NDUFAF5: variants seen among roughly 807,000 people sequenced by gnomAD.
NDUFAF5 encodes the protein NADH:ubiquinone oxidoreductase complex assembly factor 5, also known as arginine-hydroxylase NDUFAF5, mitochondrial.
In NDUFAF5, 34 loss-of-function variants were observed where a neutral mutation model predicts 48.9. That is an observed-to-expected ratio of 0.70 (90% confidence interval 0.53 to 0.93). The LOEUF is 0.93. Among genes scored for constraint, NDUFAF5 ranks in the 40% least tolerant of loss-of-function variants. The probability of loss-of-function intolerance (pLI) is 0.00; values close to 1 mark genes in which losing one functional copy is unlikely to be tolerated. For synonymous variants in NDUFAF5, 153 were observed against 150.6 expected, an observed-to-expected ratio of 1.02 and a Z score of -0.12; for missense variants, 428 against 427.5, an observed-to-expected ratio of 1.00 and a Z score of -0.01.
intron 5 of NDUFAF5, among the ~76,000 whole-genome samples, chr20:13,796,387 C>G (rs1213249482): frequency 6.6e-6 from 1 of 152,184 alleles, no homozygotes; most frequent in African/African-American, 2.4e-5. Flanking sequence ...TATGTTAGCT[C>G]ATCTGCTTGC....
At chr20:13,802,035 G>A (rs1191977523) in intron 7 of NDUFAF5, among the ~76,000 whole-genome samples, 1 of 152,050 alleles carries the variant, frequency 6.6e-6, no homozygotes, top group Non-Finnish European at 1.5e-5. Flanking sequence ...GGAAGAAAAG[G>A]GGATAAGTAG....
At chr20:13,814,123 G>A (rs1180792874) in intron 8 of NDUFAF5, 1 of 249,976 alleles carries the variant, frequency 4.0e-6, no homozygotes, top group Non-Finnish European at 8.1e-6. Context: ...TGTCCCAGAT[G>A]TTGTAATTAG....
In NDUFAF5 at chr20:13,816,464, T is replaced by C. The variant is rs1216104280; in HGVS notation, c.780T>C (p.Gly260=). 6.2e-7 allele frequency: 1 copy of C among 1,612,018 alleles called. No individual in the cohort carries two copies. Among genetic ancestry groups the C allele is most frequent in the Admixed American group, 1.7e-5 (1 of 60,010 alleles). Residue 260 remains glycine, a splice_region_variant and synonymous_variant, in exon 9 of 11, where the codon GGT becomes GGC. Transcript: ENST00000378106. ...GMFELMEDLQ[G]MGESNCAWNR... is the part of the protein sequence containing the mutation. ...AAACTACCTGTAGTGTATTTGTAGG[T>C]ATGGGTGAGAGTAACTGTGCTTGGA...
At chr20:13,806,964 C>T (rs138894752) in intron 7 of NDUFAF5, among the ~76,000 whole-genome samples, 1,926 of 152,296 alleles carry the variant, frequency 0.013, 11 homozygotes, top group Non-Finnish European at 0.018. Context: ...TTACTGCAAC[C>T]TCTGCCTCCC....
At chr20:13,803,911 G>A (rs1054711969) in intron 7 of NDUFAF5, among the ~76,000 whole-genome samples, 37 of 151,546 alleles carry the variant, frequency 2.4e-4, no homozygotes, top group African/African-American at 8.7e-4. Flanking sequence ...TCAGCCTCCC[G>A]AGCAGCTGGG....
chr20:13,810,502 T>C (rs1002738969), intron 8 of NDUFAF5, among the ~76,000 whole-genome samples: 1 of 152,020 alleles, frequency 6.6e-6, no homozygotes, highest in African/African-American at 2.4e-5. Flanking sequence ...GAACTGGAGA[T>C]AGCAGATATG....
At chr20:13,798,846 T>G (rs1284495405) in intron 6 of NDUFAF5, among the ~76,000 whole-genome samples, 1 of 152,232 alleles carries the variant, frequency 6.6e-6, no homozygotes, top group Non-Finnish European at 1.5e-5. Flanking sequence ...TATTTATATT[T>G]GTATTTTCTC....
intron 3 of NDUFAF5, 100 bp from the exon 4 acceptor site, chr20:13,793,080 A>T: frequency 7.6e-7 from 1 of 1,312,000 alleles, no homozygotes; most frequent in Non-Finnish European, 1.1e-6. Context: ...ACCTTTACAA[A>T]GCTGAAAATT....
At chr20:13,816,253 G>A (rs956928219) in intron 8 of NDUFAF5, 8 of 613,268 alleles carry the variant, frequency 1.3e-5, no homozygotes, top group Non-Finnish European at 2.1e-5. Flanking sequence ...TCACTTGCCT[G>A]TCTTAATGTT....
chr20:13,808,876 T>C lies in NDUFAF5; in HGVS notation c.752T>C (p.Met251Thr), dbSNP rs200199681. 226 of 1,597,074 alleles carry C rather than the reference T, an allele frequency of 1.4e-4. 1 individual carries two copies. The highest frequency in any genetic ancestry group is 8.3e-5 in the Admixed American group (5 of 59,980). ...GAAATTCAAGTTAACTATCCTGGAATGTTTGAATTGATGGAAGATTTACAA... is the reference window on the plus strand; with the variant it reads ...GAAATTCAAGTTAACTATCCTGGAACGTTTGAATTGATGGAAGATTTACAA... ...TDEIQVNYPG[M>T]FELMEDLQGM... The change falls in exon 8 of 11, where the codon ATG becomes ACG. Residue 251 changes from methionine to threonine, a missense_variant. Transcript: ENST00000378106.
chr20:13,785,394 G>C lies in NDUFAF5; in HGVS notation c.222+104G>C, dbSNP rs1177452355. The C allele has an allele frequency of 2.4e-5, 23 of 969,000 alleles. 1 individual carries two copies. Among genetic ancestry groups the C allele is most frequent in the Non-Finnish European group, 3.4e-5 (22 of 650,734 alleles). 60.0% of individuals were successfully genotyped at this position (969,000 alleles called of 1,614,324 possible). A position where few individuals can be genotyped will look rare whatever the true frequency, so the allele number is the denominator to read the frequency against. On this transcript the variant is annotated intron_variant, in intron 1 of 10. Transcript: ENST00000378106. ...CCGAGCTCACCCCACCTAGCCGTCTGACCTTGACCAGCAGCCCTGCCTCTT... is the reference window on the plus strand; with the variant it reads ...CCGAGCTCACCCCACCTAGCCGTCTCACCTTGACCAGCAGCCCTGCCTCTT...
chr20:13,787,731 G>A (rs1212611755), intron 2 of NDUFAF5, among the ~76,000 whole-genome samples: 1 of 152,104 alleles, frequency 6.6e-6, no homozygotes, highest in East Asian at 1.9e-4. Flanking sequence ...AAGATATAGG[G>A]CATTAGGTAA....
Position 13,821,021 on chromosome 20 carries a change from T to C in NDUFAF5, c.*3811T>C, listed in dbSNP as rs1405575071. 1 of 152,266 alleles carries C rather than the reference T, an allele frequency of 6.6e-6. No individual in the cohort carries two copies. Among genetic ancestry groups the C allele is most frequent in the African/African-American group, 2.4e-5 (1 of 41,464 alleles). The allele number at this position is 152,266 out of a possible 1,614,324, so 9.4% of individuals were successfully genotyped here. A position where few individuals can be genotyped will look rare whatever the true frequency, so the allele number is the denominator to read the frequency against. On this transcript the variant is annotated 3_prime_UTR_variant, in exon 11 of 11. Coordinates refer to ENST00000378106, the MANE Select transcript of NDUFAF5 (RefSeq NM_024120.5). ...TTAATTCTCTACCTGAATACATACA[T>C]GACAGTTATTTTACCATGCTGGTTT...
In NDUFAF5 at chr20:13,787,346, T is replaced by C. The variant is rs1981359043; in HGVS notation, c.257T>C (p.Ile86Thr). 1 of 1,613,918 alleles carries C rather than the reference T, an allele frequency of 6.2e-7. No individual in the cohort carries two copies. The highest frequency in any genetic ancestry group is 1.3e-5 in the African/African-American group (1 of 74,926). ...CGGATCGCAGACCGTGTATATGACA[T>C]ACCCAGGTAAGTGGTGGTGATCATA... is the stretch of plus-strand genomic sequence containing the variant. ...GSRIADRVYD[I>T]PRNFPLALDL... The change falls in exon 2 of 11, where the codon ATA becomes ACA. Residue 86 changes from isoleucine (I) to threonine (T), a missense_variant. Physicochemically the swap from Ile to Thr is moderately conservative, Grantham distance 89. Transcript: ENST00000378106.
chr20:13,816,494 A>G lies in NDUFAF5; in HGVS notation c.810A>G (p.Arg270=). The change falls in exon 9 of 11, where the codon AGA becomes AGG. Residue 270 remains arginine (R), a synonymous_variant. Transcript: ENST00000378106. The stretch of plus-strand genomic sequence containing the variant: ...GTGAGAGTAACTGTGCTTGGAATAG[A>G]AAAGCCCTGCTGCATCGAGACACAA... The part of the protein sequence containing the change: ...GMGESNCAWN[R]KALLHRDTML... The G allele has an allele frequency of 6.2e-7, 1 of 1,614,148 alleles. No individual in the cohort carries two copies. Among genetic ancestry groups the G allele is most frequent in the South Asian group, 1.1e-5 (1 of 91,086 alleles).
At position 13,787,345 on chromosome 20, in the gene NDUFAF5, ATACCCAGG is replaced by A. The variant is rs1328803494; in HGVS notation, c.259_263+3del. 6.2e-7 allele frequency: 1 copy of A among 1,613,982 alleles called. No individual in the cohort carries two copies. The highest frequency in any genetic ancestry group is 8.5e-7 in the Non-Finnish European group (1 of 1,179,950). The stretch of plus-strand genomic sequence containing the variant: ...TCGGATCGCAGACCGTGTATATGAC[ATACCCAGG>A]TAAGTGGTGGTGATCATAATACAAT... On this transcript the variant is annotated splice_donor_variant and coding_sequence_variant, in exon 2 of 11. Transcript: ENST00000378106. LOFTEE classifies it high-confidence loss of function.
intron 8 of NDUFAF5, among the ~76,000 whole-genome samples, chr20:13,809,568 GGTGGGTCAAC>G (rs928766675): frequency 2.0e-5 from 3 of 152,198 alleles, no homozygotes; most frequent in African/African-American, 7.2e-5. Flanking sequence ...TGATGACCTT[GGTGGGTCAAC>G]GTGAGTCACA....
At chr20:13,785,324 G>C in intron 1 of NDUFAF5, 34 bp downstream of exon 1, 1 of 1,293,284 alleles carries the variant, frequency 7.7e-7, no homozygotes, top group Non-Finnish European at 1.1e-6. Context: ...GGCGGGGCGG[G>C]CGACGCGGAG....
intron 7 of NDUFAF5, among the ~76,000 whole-genome samples, chr20:13,806,246 G>A (rs955435644): frequency 5.3e-5 from 8 of 152,158 alleles, no homozygotes; most frequent in East Asian, 3.9e-4. Flanking sequence ...GGTGGCTCAC[G>A]CCTCTAATCC....
Sources: gnomAD v4.1 joint callset for allele counts (sites outside exome capture counted in the v4.1 genomes callset) on GRCh38, gnomAD v4.1.1 for gene constraint, MANE v1.5 for transcripts, NCBI Gene and HGNC (gene_info 2026-07-23, HGNC 2026-07-21) for gene names.